Variants in UNC13C observed in about 807,000 individuals in gnomAD.
UNC13C encodes protein unc-13 homolog C.
UNC13C carries 174 observed loss-of-function variants against 245.4 expected under a neutral mutation model. That is an observed-to-expected ratio of 0.71 (90% CI 0.63 to 0.80). UNC13C has a LOEUF of 0.80. Ranked by LOEUF, UNC13C falls within the 30% of genes least tolerant of loss-of-function variation. UNC13C has a pLI of 0.00. For missense variants in UNC13C, 2,829 were observed against 2,602.9 expected (o/e 1.09, Z -1.89); for synonymous variants, 992 against 895.1 (o/e 1.11, Z -1.93).
intron 2 of UNC13C, among the ~76,000 whole-genome samples, chr15:54,134,553 G>A (rs183085506): frequency 1.3e-5 from 2 of 151,516 alleles, no homozygotes; most frequent in Non-Finnish European, 2.9e-5. Flanking sequence ...TCGCTGTCTC[G>A]CTGTCTCCCA....
intron 4 of UNC13C, among the ~76,000 whole-genome samples, chr15:54,165,309 A>G (rs2033125243): frequency 6.6e-6 from 1 of 152,210 alleles, no homozygotes; most frequent in Non-Finnish European, 1.5e-5. Flanking sequence ...TACTATATGT[A>G]TATATTTCAA....
At chr15:54,599,806 T>A (rs766688566) in intron 30 of UNC13C, among the ~76,000 whole-genome samples, 2 of 152,136 alleles carry the variant, frequency 1.3e-5, no homozygotes, top group African/African-American at 2.4e-5. Context: ...GAAGGACATC[T>A]GCTTCTTTTC....
At chr15:53,889,487 G>A in the UNC13C span, among the ~76,000 whole-genome samples, 6 of 152,314 alleles carry the variant, frequency 3.9e-5, no homozygotes, top group African/African-American at 1.4e-4. Flanking sequence ...ATACAATCAT[G>A]TCATCTGCAA....
intron 2 of UNC13C, among the ~76,000 whole-genome samples, chr15:54,125,709 A>G (rs1008136412): frequency 5.3e-5 from 8 of 152,096 alleles, no homozygotes; most frequent in Non-Finnish European, 1.0e-4. Context: ...ATTTTGCTTT[A>G]TCTATTTTGC....
intron 8 of UNC13C, among the ~76,000 whole-genome samples, chr15:54,257,701 A>G (rs968515754): frequency 6.6e-6 from 1 of 152,156 alleles, no homozygotes; most frequent in Non-Finnish European, 1.5e-5. Context: ...TGATCCTCCA[A>G]TTACCTACTG....
At chr15:54,425,199 C>A (rs1193241591) in intron 19 of UNC13C, among the ~76,000 whole-genome samples, 1 of 151,804 alleles carries the variant, frequency 6.6e-6, no homozygotes, top group African/African-American at 2.4e-5. Flanking sequence ...AAACACATTA[C>A]AGTGAGTAAA....
chr15:54,440,030 C>T (rs545023943), intron 19 of UNC13C, among the ~76,000 whole-genome samples: 6 of 152,048 alleles, frequency 3.9e-5, no homozygotes, highest in African/African-American at 1.4e-4. Context: ...TTGCAATCCC[C>T]ATAATGTATC....
Position 54,099,976 on chromosome 15 carries a change from T to C in UNC13C, c.2984-43042T>C, listed in dbSNP as rs750464640. On this transcript the variant is annotated intron_variant, in intron 2 of 32. Transcript: ENST00000260323. ...TTAGCCAGGTGTGGTGGTGGGCACC[T>C]ATAATCCCAGCTATTCAGGAGGCTG... Among the ~76,000 whole-genome samples, 14 of 151,894 alleles carry C rather than the reference T, an allele frequency of 9.2e-5. No individual in the cohort carries two copies. The South Asian group carries it at 2.5e-3, about 27-fold the overall frequency.
At chr15:53,919,075 AT>A in the UNC13C span, among the ~76,000 whole-genome samples, 79 of 152,124 alleles carry the variant, frequency 5.2e-4, 1 homozygote, top group South Asian at 2.1e-4. Flanking sequence ...TAACTCGCCA[AT>A]TTTTTTTCTT....
chr15:54,496,619 T>C (rs890163557), intron 20 of UNC13C, among the ~76,000 whole-genome samples: 1 of 151,990 alleles, frequency 6.6e-6, no homozygotes, highest in African/African-American at 2.4e-5. Context: ...ATGTACACCA[T>C]GGAATACTAC....
the UNC13C span, among the ~76,000 whole-genome samples, chr15:53,845,810 C>T: frequency 6.6e-6 from 1 of 152,092 alleles, no homozygotes; most frequent in Non-Finnish European, 1.5e-5. Context: ...CATGTTTGAA[C>T]TGTGGCAGAC....
chr15:54,040,972 T>C (rs977892221), intron 2 of UNC13C, among the ~76,000 whole-genome samples: 1 of 152,230 alleles, frequency 6.6e-6, no homozygotes, highest in African/African-American at 2.4e-5. Context: ...CACTCTGCTC[T>C]GTTCTCTTTG....
chr15:53,991,144 G>A (rs181197802), intron 1 of UNC13C, among the ~76,000 whole-genome samples: 1 of 151,968 alleles, frequency 6.6e-6, no homozygotes, highest in African/African-American at 2.4e-5. Flanking sequence ...TTCTATTAGG[G>A]TATCATTTAT....
chr15:54,475,102 A>G (rs1892655273), intron 19 of UNC13C, among the ~76,000 whole-genome samples: 1 of 151,766 alleles, frequency 6.6e-6, no homozygotes, highest in African/African-American at 2.4e-5. Flanking sequence ...GCCAAATTAT[A>G]TCACTCTGAT....
intron 17 of UNC13C, among the ~76,000 whole-genome samples, chr15:54,375,047 A>T (rs1024077766): frequency 1.3e-5 from 2 of 152,238 alleles, no homozygotes; most frequent in Non-Finnish European, 2.9e-5. Flanking sequence ...ATGGTAAACC[A>T]TGTTTCTCTA....
intron 8 of UNC13C, among the ~76,000 whole-genome samples, chr15:54,252,269 T>G (rs1024203621): frequency 1.3e-5 from 2 of 152,200 alleles, no homozygotes; most frequent in African/African-American, 4.8e-5. Context: ...AAAGGACAGA[T>G]GCTACCCATT....
chr15:54,595,253 G>A (rs1336642145), intron 30 of UNC13C, among the ~76,000 whole-genome samples: 1 of 152,050 alleles, frequency 6.6e-6, no homozygotes, highest in Non-Finnish European at 1.5e-5. Context: ...TGCTCTCGGG[G>A]CCTAAGGACA....
intron 2 of UNC13C, among the ~76,000 whole-genome samples, chr15:54,091,023 A>C (rs1029515793): frequency 7.2e-6 from 1 of 139,776 alleles, no homozygotes; most frequent in African/African-American, 2.6e-5. Context: ...ATGTCATCCC[A>C]AAAAGCCTGT....
the UNC13C span, among the ~76,000 whole-genome samples, chr15:53,894,031 A>G: frequency 6.6e-6 from 1 of 152,188 alleles, no homozygotes; most frequent in Non-Finnish European, 1.5e-5. Context: ...AAAGTGCAGT[A>G]TCTGGGCTGG....
Sources: gnomAD v4.1 joint callset for allele counts (sites outside exome capture counted in the v4.1 genomes callset) on GRCh38, gnomAD v4.1.1 for gene constraint, MANE v1.5 for transcripts, NCBI Gene and HGNC (gene_info 2026-07-23, HGNC 2026-07-21) for gene names.